Variants in POLE observed in about 807,000 individuals in gnomAD.
POLE encodes DNA polymerase epsilon catalytic subunit A.
A neutral mutation model predicts 279.2 loss-of-function variants in POLE; 188 were observed. The observed-to-expected ratio is 0.67, with a 90% CI of 0.60 to 0.76. The LOEUF is 0.76. POLE is among the 30% of genes least tolerant of loss of function. POLE has a pLI of 0.00. For synonymous variants in POLE, 1,214 were observed against 1,172.5 expected (o/e 1.04, Z -0.72); for missense variants, 2,703 against 3,016.7 (o/e 0.90, Z 2.44).
chr12:132,635,345 G>A (rs1376669553), intron 42 of POLE, among the ~76,000 whole-genome samples: 4 of 152,132 alleles, frequency 2.6e-5, no homozygotes, highest in Non-Finnish European at 4.4e-5. Flanking sequence ...CACCAACCTC[G>A]CTGCCCAGCA....
At chr12:132,645,806 A>G (rs568259649) in intron 32 of POLE, among the ~76,000 whole-genome samples, 1 of 146,576 alleles carries the variant, frequency 6.8e-6, no homozygotes, top group African/African-American at 2.5e-5. Context: ...ACACCCACAC[A>G]CACACACACA....
rs775592978 is a variant in POLE at position 132,639,108 on chromosome 12, G to A, written c.5552+17C>T. 1.2e-6 allele frequency: 2 copies of A among 1,612,572 alleles called. No individual in the cohort carries two copies. Among genetic ancestry groups the A allele is most frequent in the Non-Finnish European group, 8.5e-7 (1 of 1,178,676 alleles). Reference sequence around the variant, plus strand: ...GCTGAGGACGCGGTGGACAGCCCAGGGAGGAGGAGCACTCACTGCAGGAAG... The same window carrying A: ...GCTGAGGACGCGGTGGACAGCCCAGAGAGGAGGAGCACTCACTGCAGGAAG... On this transcript the variant is annotated intron_variant, in intron 40 of 48. Transcript: ENST00000320574. This position sits in a 1 kb window ranked among gnomAD's most constrained non-coding sequence, Gnocchi z 4.7.
At chr12:132,678,770 G>A (rs1435737418) in intron 6 of POLE, among the ~76,000 whole-genome samples, 1 of 152,158 alleles carries the variant, frequency 6.6e-6, no homozygotes, top group African/African-American at 2.4e-5. Context: ...CACCATTGCG[G>A]CCACTATTGG....
At chr12:132,627,382 T>C (rs1163712211) in intron 45 of POLE, among the ~76,000 whole-genome samples, 4 of 152,172 alleles carry the variant, frequency 2.6e-5, no homozygotes, top group African/African-American at 9.6e-5. Context: ...CACTGCAGCA[T>C]TGACCTCTTG....
At chr12:132,673,299 G>A (rs2135997306) in intron 13 of POLE, 22 bp from the exon 14 acceptor site, 2 of 1,502,956 alleles carry the variant, frequency 1.3e-6, no homozygotes, top group Non-Finnish European at 1.9e-6. Flanking sequence ...ACGCCAGAGA[G>A]CAGGGCCATC....
chr12:132,681,326 C>T (rs2043163692), intron 1 of POLE, 47 bp from the exon 2 acceptor site: 7 of 1,577,108 alleles, frequency 4.4e-6, no homozygotes, highest in Non-Finnish European at 6.0e-6. Context: ...ATGCCACCTG[C>T]TGCTGCTTCT....
chr12:132,629,394 G>A (rs7487063), intron 45 of POLE, among the ~76,000 whole-genome samples: 23,948 of 152,236 alleles, frequency 0.16, 2,014 homozygotes, highest in Admixed American at 0.19. Flanking sequence ...CCAAAAGAAG[G>A]CTGTTTTGTC....
intron 9 of POLE, 152 bp downstream of exon 9, chr12:132,676,394 G>A: frequency 1.4e-6 from 1 of 718,052 alleles, no homozygotes; most frequent in East Asian, 2.7e-5. Flanking sequence ...GGAGGGTACA[G>A]CTGGAGGTCG....
At position 132,661,398 on chromosome 12, in the gene POLE, G is replaced by C; in HGVS notation, c.2864+129C>G. ...CGGGCAGACAGAGCTGGTGCAAACG[G>C]AATCAGTAAGATCACAAGAACCCAG... On this transcript the variant is annotated intron_variant, in intron 24 of 48. Coordinates refer to ENST00000320574, the MANE Select transcript of POLE (RefSeq NM_006231.4). This position sits in a 1 kb window ranked among gnomAD's most constrained non-coding sequence, Gnocchi z 4.1. 4.6e-6 allele frequency: 5 copies of C among 1,096,506 alleles called. No individual in the cohort carries two copies. The highest frequency in any genetic ancestry group is 1.5e-5 in the South Asian group (1 of 65,708). 67.9% of individuals were successfully genotyped at this position (1,096,506 alleles called of 1,614,324 possible).
rs1292146339 is a variant in POLE, at chr12:132,643,732, C to T, written c.4290+105G>A. On this transcript the variant is annotated intron_variant, in intron 33 of 48. Coordinates refer to ENST00000320574, the MANE Select transcript of POLE (RefSeq NM_006231.4). ...TTCACCTCACCTGTGGGAACGAGTC[C>T]ACTGTCGCTGCTGTTCCCCAGCCCA... 1.0e-4 allele frequency: 152 copies of T among 1,476,828 alleles called. 2 individuals carry two copies. In the East Asian group the frequency reaches 3.5e-3, roughly 34 times the overall value. 91.5% of individuals were successfully genotyped at this position (1,476,828 alleles called of 1,614,324 possible).
rs2042675385 is a variant in POLE, at chr12:132,661,245, GCCTCTTCCCTTT to G, written c.2865-93_2865-82del. The G allele has an allele frequency of 7.7e-7, 1 of 1,298,390 alleles. No homozygotes were observed. The highest frequency in any genetic ancestry group is 1.5e-5 in the African/African-American group (1 of 67,022). 80.4% of individuals were successfully genotyped at this position (1,298,390 alleles called of 1,614,324 possible). A position where few individuals can be genotyped will look rare whatever the true frequency, so the allele number is the denominator to read the frequency against. ...CAGCTGTGCCTCATCCTCTCTGCCC[GCCTCTTCCCTTT>G]CCAACCCTCCACCTGTCATCCACGA... is the stretch of plus-strand genomic sequence containing the variant. On this transcript the variant is annotated intron_variant, in intron 24 of 48. Transcript: ENST00000320574. The surrounding 1 kb of genome is among the most constrained non-coding windows in gnomAD (Gnocchi z 4.1).
intron 1 of POLE, among the ~76,000 whole-genome samples, chr12:132,681,724 T>C (rs955309802): frequency 2.0e-5 from 3 of 152,202 alleles, no homozygotes; most frequent in Non-Finnish European, 4.4e-5. Flanking sequence ...AAAACACAAT[T>C]AGGGCAGGCC....
At position 132,668,292 on chromosome 12, in the gene POLE, G is replaced by T; in HGVS notation, c.2173+64C>A. The T allele has an allele frequency of 6.7e-7, 1 of 1,501,548 alleles. No homozygotes were observed. 93.0% of individuals were successfully genotyped at this position (1,501,548 alleles called of 1,614,324 possible). ...AGCTGGGATGGACCAACGCAGCCCA[G>T]TAAGAACAGAAAGTGGGAGCAGGAG... On this transcript the variant is annotated intron_variant, in intron 19 of 48. Transcript: ENST00000320574. This position sits in a 1 kb window ranked among gnomAD's most constrained non-coding sequence, Gnocchi z 4.0.
rs781225788 is a variant in POLE at position 132,678,406 on chromosome 12, AG to A, written c.579-688del. Among the ~76,000 whole-genome samples, 5 of 151,630 alleles carry A rather than the reference AG, an allele frequency of 3.3e-5. No homozygotes were observed. In the East Asian group the frequency reaches 9.7e-4, roughly 29 times the overall value. On this transcript the variant is annotated intron_variant, in intron 6 of 48. Transcript: ENST00000320574. Reference sequence around the variant, plus strand: ...ACATAGGGAGACTCATCTCTACAAAAGTAATAATAATAATAATAATAATTAG... The same window carrying A: ...ACATAGGGAGACTCATCTCTACAAAATAATAATAATAATAATAATAATTAG...
chr12:132,626,191 G>A lies in POLE; in HGVS notation c.6457C>T (p.Leu2153Phe), dbSNP rs2041834985. 1 of 1,613,624 alleles carries A rather than the reference G, an allele frequency of 6.2e-7. No homozygotes were observed. ...CAGCTGCGGCAGATGACCTCAGGAA[G>A]CACGTAGGAGCGGCAGGGGTCTCGG... ...QFRDPCRSYV[L>F]PEVICRSCNF... Residue 2153 changes from leucine to phenylalanine, a missense_variant, in exon 46 of 49, where the codon CTT becomes TTT. This residue lies in a region of POLE where 1,551 missense variants were observed against 1,686.1 expected (regional missense o/e 0.92). Coordinates refer to ENST00000320574, the MANE Select transcript of POLE (RefSeq NM_006231.4).
At chr12:132,681,054 T>TC in intron 2 of POLE, 84 bp downstream of exon 2, 8 of 1,493,276 alleles carry the variant, frequency 5.4e-6, no homozygotes, top group Non-Finnish European at 7.3e-6. Flanking sequence ...CCCTCATGTG[T>TC]CCCCCACTCT....
chr12:132,632,825 T>C (rs1181499405), intron 43 of POLE, 30 bp from the exon 44 acceptor site: 1 of 1,564,058 alleles, frequency 6.4e-7, no homozygotes, highest in South Asian at 1.2e-5. Context: ...CCACAGGCCC[T>C]GAGTCGGGCT....
rs2042361525 is a variant in POLE at position 132,649,307 on chromosome 12, T to C, written c.4004A>G (p.Gln1335Arg). 1 of 1,613,404 alleles carries C rather than the reference T, an allele frequency of 6.2e-7. No homozygotes were observed. The highest frequency in any genetic ancestry group is 1.1e-5 in the South Asian group (1 of 91,084). ...SILDLPWQIV[Q>R]ISETSQAGLF... ...CTCCCCTTGGATCAAGGTCTATACCTGCACAATCTGCCACGGAAGGTCCAG... is the reference window on the plus strand; with the variant it reads ...CTCCCCTTGGATCAAGGTCTATACCCGCACAATCTGCCACGGAAGGTCCAG... Residue 1335 changes from glutamine (Q) to arginine (R), a missense_variant and splice_region_variant, in exon 31 of 49, where the codon CAG becomes CGG. Gln to Arg is a conservative substitution (Grantham distance 43, BLOSUM62 1). This residue lies in a region of POLE where 1,551 missense variants were observed against 1,686.1 expected (regional missense o/e 0.92). Transcript: ENST00000320574.
rs1361462274 is a variant in POLE, at chr12:132,677,599, GGA to G, written c.697_698del (p.Ser233HisfsTer2). The G allele has an allele frequency of 6.2e-6, 10 of 1,614,068 alleles. No individual in the cohort carries two copies. Among genetic ancestry groups the G allele is most frequent in the Non-Finnish European group, 8.5e-6 (10 of 1,180,036 alleles). The part of the protein sequence containing the change: ...EYDVPYHIRL[S>X]IDLKIHVAHW... ...TCACCACGTGGATCTTCAGGTCAAT[GGA>G]GAGGCGGATGTGGTAGGGAACATCG... On this transcript the variant is annotated frameshift_variant, in exon 7 of 49. Coordinates refer to ENST00000320574, the MANE Select transcript of POLE (RefSeq NM_006231.4). LOFTEE classifies it high-confidence loss of function.
Sources: gnomAD v4.1 joint callset for allele counts (sites outside exome capture counted in the v4.1 genomes callset) on GRCh38, gnomAD v4.1.1 for gene constraint, gnomAD v4.1.1 regional missense constraint, Gnocchi (gnomAD v3.1) non-coding constraint, MANE v1.5 for transcripts, NCBI Gene and HGNC (gene_info 2026-07-23, HGNC 2026-07-21) for gene names.